Variants in PTPN20 observed in about 807,000 individuals in gnomAD.
PTPN20 encodes the protein protein tyrosine phosphatase non-receptor type 20, also known as tyrosine-protein phosphatase non-receptor type 20.
A neutral mutation model predicts 35.0 loss-of-function variants in PTPN20; 9 were observed. That is an observed-to-expected ratio of 0.26 (90% confidence interval 0.15 to 0.45). The LOEUF (loss-of-function observed/expected upper bound fraction) is 0.45, where lower values mean the gene tolerates loss of function less well. PTPN20 is among the 20% of genes least tolerant of loss of function. The probability of loss-of-function intolerance (pLI) is 1.00; values close to 1 mark genes in which losing one functional copy is unlikely to be tolerated. For missense variants in PTPN20, 111 were observed against 312.5 expected, an observed-to-expected ratio of 0.36 and a Z score of 4.86; for synonymous variants, 32 against 100.2, an observed-to-expected ratio of 0.32 and a Z score of 4.06.
intron 7 of PTPN20, among the ~76,000 whole-genome samples, chr10:46,975,892 C>G (rs1478587542): frequency 6.6e-6 from 1 of 151,338 alleles, no homozygotes; most frequent in Non-Finnish European, 1.5e-5. Context: ...AACTCCTGAC[C>G]TCAGGTGATC....
chr10:46,976,778 G>T (rs1589763352), intron 7 of PTPN20, among the ~76,000 whole-genome samples: 2 of 125,314 alleles, frequency 1.6e-5, no homozygotes, highest in Non-Finnish European at 1.7e-5. Flanking sequence ...GTTGCCTCTT[G>T]GTTCTATCTT....
At chr10:46,937,253 C>CAGA (rs1565456218) in intron 2 of PTPN20, among the ~76,000 whole-genome samples, 232 of 146,934 alleles carry the variant, frequency 1.6e-3, no homozygotes, top group Non-Finnish European at 2.6e-3. Context: ...GATGAGAAAT[C>CAGA]CATCATTCTT....
intron 1 of PTPN20, among the ~76,000 whole-genome samples, chr10:46,920,498 A>T (rs1281832841): frequency 1.3e-5 from 2 of 150,624 alleles, no homozygotes; most frequent in African/African-American, 5.0e-5. Flanking sequence ...GAAAGAGTAT[A>T]TATATATGCT....
intron 9 of PTPN20, among the ~76,000 whole-genome samples, chr10:46,996,248 A>T (rs2059089485): frequency 6.6e-6 from 1 of 152,214 alleles, no homozygotes; most frequent in African/African-American, 2.4e-5. Context: ...CATAACTCCA[A>T]GTGAAAATTA....
chr10:46,947,058 CAT>C (rs1427672572), intron 5 of PTPN20, among the ~76,000 whole-genome samples: 19 of 141,654 alleles, frequency 1.3e-4, no homozygotes, highest in South Asian at 9.5e-4. Context: ...CAAATTATCA[CAT>C]GTTTATAGTG....
chr10:46,989,271 T>G (rs1282276231), intron 9 of PTPN20, among the ~76,000 whole-genome samples: 2 of 83,392 alleles, frequency 2.4e-5, no homozygotes, highest in Non-Finnish European at 4.5e-5. Context: ...TGATCTTAGC[T>G]GTGTGTTTGT....
chr10:46,998,957 A>T, intron 9 of PTPN20, among the ~76,000 whole-genome samples: 1 of 152,154 alleles, frequency 6.6e-6, no homozygotes, highest in Non-Finnish European at 1.5e-5. Flanking sequence ...TAAAAAAGTT[A>T]GCTGGGCATG....
chr10:46,959,238 T>G (rs1180242621), intron 5 of PTPN20, among the ~76,000 whole-genome samples: 1 of 135,374 alleles, frequency 7.4e-6, no homozygotes, highest in Non-Finnish European at 1.6e-5. Context: ...ATTGAACCTT[T>G]TATGATATAT....
chr10:46,940,711 A>G lies in PTPN20; in HGVS notation c.123A>G (p.Arg41=), dbSNP rs1367965352. ...CATCAAGTCAGGAAAACACACCTAG[A>G]TCAAAGGTAAGACTAAAAGGAGAGG... ...LPSSSQENTP[R]SKVFENKVNS... Residue 41 remains arginine, a synonymous_variant, in exon 3 of 11, where the codon AGA becomes AGG. Transcript: ENST00000374339. 1.9e-6 allele frequency: 3 copies of G among 1,609,796 alleles called. No individual in the cohort carries two copies. Among genetic ancestry groups the G allele is most frequent in the Non-Finnish European group, 2.5e-6 (3 of 1,178,786 alleles).
At chr10:46,992,397 A>G (rs1446950142) in intron 9 of PTPN20, among the ~76,000 whole-genome samples, 1 of 152,164 alleles carries the variant, frequency 6.6e-6, no homozygotes, top group Non-Finnish European at 1.5e-5. Flanking sequence ...TGCTGGGATC[A>G]TAGGCATGAG....
chr10:46,919,374 C>A (rs880000328), intron 1 of PTPN20, among the ~76,000 whole-genome samples: 186 of 147,778 alleles, frequency 1.3e-3, no homozygotes, highest in Non-Finnish European at 2.2e-3. Flanking sequence ...TTTTCCCATA[C>A]CCTTTTGGCT....
chr10:46,947,069 TG>T (rs1555141949), intron 5 of PTPN20, among the ~76,000 whole-genome samples: 1 of 136,502 alleles, frequency 7.3e-6, no homozygotes, highest in African/African-American at 2.7e-5. Flanking sequence ...ATGTTTATAG[TG>T]GAAAAAAAGA....
At chr10:46,994,243 T>A (rs1251689866) in intron 9 of PTPN20, among the ~76,000 whole-genome samples, 1 of 151,830 alleles carries the variant, frequency 6.6e-6, no homozygotes, top group African/African-American at 2.4e-5. Flanking sequence ...CTCTTTATCC[T>A]TGAGCTTTGA....
intron 7 of PTPN20, among the ~76,000 whole-genome samples, chr10:46,975,731 A>G (rs1421358097): frequency 6.6e-6 from 1 of 152,040 alleles, no homozygotes; most frequent in Non-Finnish European, 1.5e-5. Context: ...GCATAGTCTC[A>G]GCTCACCGCA....
chr10:46,929,461 G>A (rs1386792915), intron 1 of PTPN20, among the ~76,000 whole-genome samples: 1 of 151,718 alleles, frequency 6.6e-6, no homozygotes, highest in Non-Finnish European at 1.5e-5. Flanking sequence ...TTTCCCTAAG[G>A]GACCGAGTGC....
At chr10:46,945,704 T>G (rs2044544650) in intron 4 of PTPN20, among the ~76,000 whole-genome samples, 2 of 151,806 alleles carry the variant, frequency 1.3e-5, no homozygotes, top group Admixed American at 1.3e-4. Context: ...CAAATGAAAG[T>G]GCAACAAGAG....
intron 3 of PTPN20, among the ~76,000 whole-genome samples, chr10:46,942,916 TAAAC>T (rs1448114649): frequency 7.0e-6 from 1 of 143,390 alleles, no homozygotes; most frequent in Admixed American, 7.1e-5. Flanking sequence ...AAGTAAAAAT[TAAAC>T]ATACACCAAG....
chr10:46,999,986 C>A lies in PTPN20; in HGVS notation c.1197+12C>A. The A allele has an allele frequency of 6.2e-7, 1 of 1,613,662 alleles. No individual in the cohort carries two copies. The highest frequency in any genetic ancestry group is 1.1e-5 in the South Asian group (1 of 91,058). On this transcript the variant is annotated intron_variant, in intron 10 of 10. Transcript: ENST00000374339. ...TGGTTCAAACGAAGGTAAGCTTTCA[C>A]CACATACATAATAATAAGAATAATG... is the stretch of plus-strand genomic sequence containing the variant.
intron 2 of PTPN20, among the ~76,000 whole-genome samples, chr10:46,936,545 T>G (rs2041720402): frequency 1.3e-5 from 2 of 151,852 alleles, no homozygotes; most frequent in Non-Finnish European, 2.9e-5. Flanking sequence ...CAAAGTAAAT[T>G]GAAAACCTTT....
Sources: allele counts gnomAD v4.1 joint callset (sites outside exome capture counted in the v4.1 genomes callset), GRCh38; gene constraint gnomAD v4.1.1; transcripts MANE v1.5; gene names NCBI Gene and HGNC (gene_info 2026-07-23, HGNC 2026-07-21).